The following CCDC122 variants were observed in gnomAD, a reference collection of about 807,000 sequenced individuals.
CCDC122 encodes the protein coiled-coil domain containing 122.
In CCDC122, 38 loss-of-function variants were observed where a neutral mutation model predicts 37.0. The ratio of observed to expected loss-of-function variants is 1.03; its 90% CI spans 0.79 to 1.35. The LOEUF is 1.35. CCDC122 is among the 40% of genes most tolerant of loss of function. The probability of loss-of-function intolerance (pLI) is 0.00; values close to 1 mark genes in which losing one functional copy is unlikely to be tolerated. For missense variants in CCDC122, 305 were observed against 310.0 expected, an observed-to-expected ratio of 0.98 and a Z score of 0.12; for synonymous variants, 83 against 95.6, an observed-to-expected ratio of 0.87 and a Z score of 0.77.
chr13:43,868,746 T>A lies in CCDC122; in HGVS notation c.104A>T (p.Gln35Leu). The A allele has an allele frequency of 1.9e-6, 3 of 1,566,788 alleles. No individual in the cohort carries two copies. The highest frequency in any genetic ancestry group is 2.6e-6 in the Non-Finnish European group (3 of 1,157,422). ...TTTTTCTATCTCTGATGCTTGTGAT[T>A]GTTGTTGCTTTGCAACTTTCTCTAC... ...DAVEKVAKQQ[Q>L]SQASEIEKNK... Residue 35 changes from glutamine (Q) to leucine (L), a missense_variant, in exon 4 of 7, where the codon CAA (glutamine) becomes CTA (leucine). By Grantham distance (113) the Gln-to-Leu change is moderately radical. Transcript: ENST00000444614.
At chr13:43,834,497 T>G (rs1246317101), downstream of CCDC122, among the ~76,000 whole-genome samples, 12 of 151,936 alleles carry the variant, frequency 7.9e-5, no homozygotes, top group Admixed American at 1.3e-4. Context: ...CACAGCAAAA[T>G]AAACCACCAT....
chr13:43,864,662 C>CGT (rs1052929845), intron 4 of CCDC122, among the ~76,000 whole-genome samples: 15 of 152,262 alleles, frequency 9.9e-5, no homozygotes, highest in African/African-American at 3.4e-4. Context: ...CTCCATGACC[C>CGT]AAACACCTCC....
chr13:43,850,378 C>A (rs1953684134), intron 6 of CCDC122, among the ~76,000 whole-genome samples: 1 of 152,164 alleles, frequency 6.6e-6, no homozygotes, highest in African/African-American at 2.4e-5. Flanking sequence ...AATTATCTGA[C>A]AAGCATTTTA....
intron 4 of CCDC122, among the ~76,000 whole-genome samples, chr13:43,867,881 T>C (rs940340730): frequency 2.6e-5 from 4 of 152,126 alleles, no homozygotes; most frequent in Non-Finnish European, 5.9e-5. Flanking sequence ...ATCATATATC[T>C]ACTGATGCAC....
rs1953397882 is a variant in CCDC122 at position 43,842,746 on chromosome 13, A to C, written c.673-5317T>G. On this transcript the variant is annotated intron_variant, in intron 6 of 6. Coordinates refer to ENST00000444614, the MANE Select transcript of CCDC122 (RefSeq NM_144974.5). Reference sequence around the variant, plus strand: ...TGCACATTTTTTCACAAAATTCATTAGCAAGTATTTTATGTCATTTAGTGT... The same window carrying C: ...TGCACATTTTTTCACAAAATTCATTCGCAAGTATTTTATGTCATTTAGTGT... 2.0e-5 allele frequency among the ~76,000 whole-genome samples: 3 copies of C among 152,210 alleles called. No homozygotes were observed. The South Asian group carries it at 6.2e-4, about 32-fold the overall frequency.
chr13:43,842,244 C>G (rs1217001918), intron 6 of CCDC122, among the ~76,000 whole-genome samples: 1 of 152,052 alleles, frequency 6.6e-6, no homozygotes, highest in Non-Finnish European at 1.5e-5. Flanking sequence ...GGTGGAGATA[C>G]AGGTTCATTG....
intron 6 of CCDC122, among the ~76,000 whole-genome samples, chr13:43,838,433 G>C (rs989753740): frequency 6.6e-6 from 1 of 152,092 alleles, no homozygotes; most frequent in Non-Finnish European, 1.5e-5. Flanking sequence ...AAGCATAGTG[G>C]AAAGTGCTTC....
At chr13:43,874,062 G>T (rs1015656878) in intron 2 of CCDC122, among the ~76,000 whole-genome samples, 10 of 152,032 alleles carry the variant, frequency 6.6e-5, no homozygotes, top group Admixed American at 6.6e-4. Flanking sequence ...GGTCTTTCTC[G>T]ATCTTTCTGG....
chr13:43,855,544 C>T (rs1953880413), intron 6 of CCDC122: 1 of 152,080 alleles, frequency 6.6e-6, no homozygotes, highest in Admixed American at 6.6e-5. Flanking sequence ...AATGGCCATA[C>T]TATCCAAAGC....
chr13:43,859,572 T>C (rs1447331897), intron 5 of CCDC122, 100 bp downstream of exon 5: 2 of 945,222 alleles, frequency 2.1e-6, no homozygotes, highest in Non-Finnish European at 3.0e-6. Context: ...AGGACAGCTA[T>C]GGGCATTTTA....
chr13:43,841,283 G>C (rs1262981161), intron 6 of CCDC122, among the ~76,000 whole-genome samples: 1 of 152,170 alleles, frequency 6.6e-6, no homozygotes. Flanking sequence ...CATACAGCAG[G>C]TATATGCTAA....
intron 1 of CCDC122, among the ~76,000 whole-genome samples, chr13:43,878,791 G>A (rs1034490196): frequency 4.6e-5 from 7 of 152,162 alleles, no homozygotes; most frequent in Non-Finnish European, 1.0e-4. Context: ...AGTCCTGCTA[G>A]TGGCACATAT....
chr13:43,843,760 T>TA (rs1302583475), intron 6 of CCDC122, among the ~76,000 whole-genome samples: 1 of 151,944 alleles, frequency 6.6e-6, no homozygotes, highest in Non-Finnish European at 1.5e-5. Context: ...ACACCATTCA[T>TA]AAAGCTTAAT....
At chr13:43,878,356 G>T (rs917475653) in intron 1 of CCDC122, among the ~76,000 whole-genome samples, 1 of 152,132 alleles carries the variant, frequency 6.6e-6, no homozygotes, top group African/African-American at 2.4e-5. Flanking sequence ...ACCGCTCGGG[G>T]CTCTTTAACA....
downstream of CCDC122, among the ~76,000 whole-genome samples, chr13:43,822,057 G>T (rs1454959710): frequency 6.6e-6 from 1 of 152,152 alleles, no homozygotes; most frequent in African/African-American, 2.4e-5. Context: ...GTAGATGTTC[G>T]TCAGTGTCTG....
At chr13:43,832,330 C>A (rs1953097542), downstream of CCDC122, among the ~76,000 whole-genome samples, 1 of 151,866 alleles carries the variant, frequency 6.6e-6, no homozygotes, top group Admixed American at 6.6e-5. Flanking sequence ...AAATCAAAAC[C>A]ACGTTCTTCT....
intron 1 of CCDC122, among the ~76,000 whole-genome samples, chr13:43,877,089 G>C (rs1420393518): frequency 6.6e-6 from 1 of 152,206 alleles, no homozygotes; most frequent in Non-Finnish European, 1.5e-5. Context: ...CCTGGCGACA[G>C]AGCGAGACTT....
intron 2 of CCDC122, 193 bp downstream of exon 2, chr13:43,874,647 CCA>C (rs1259233823): frequency 2.6e-5 from 4 of 151,718 alleles, no homozygotes; most frequent in Non-Finnish European, 5.9e-5. Context: ...TTTTTTTTCC[CCA>C]GACTTCTGTT....
At chr13:43,840,352 T>C (rs368395912) in intron 6 of CCDC122, among the ~76,000 whole-genome samples, 1 of 152,220 alleles carries the variant, frequency 6.6e-6, no homozygotes, top group East Asian at 1.9e-4. Flanking sequence ...AGTATTCCAT[T>C]ATGTAAATAT....
Sources: allele counts gnomAD v4.1 joint callset (sites outside exome capture counted in the v4.1 genomes callset), GRCh38; gene constraint gnomAD v4.1.1; transcripts MANE v1.5; gene names NCBI Gene and HGNC (gene_info 2026-07-23, HGNC 2026-07-21).